EFCAB5: variants seen among roughly 807,000 people sequenced by gnomAD.
EFCAB5 encodes the protein EF-hand calcium binding domain 5.
In EFCAB5, 131 loss-of-function variants were observed where a neutral mutation model predicts 167.9. The observed-to-expected ratio is 0.78, with a 90% CI of 0.68 to 0.90. The LOEUF is 0.90. EFCAB5 is among the 40% of genes least tolerant of loss of function. EFCAB5 has a pLI of 0.00. For missense variants in EFCAB5, 1,663 were observed against 1,745.2 expected (o/e 0.95, Z 0.84); for synonymous variants, 574 against 602.8 (o/e 0.95, Z 0.70).
At chr17:30,098,165 C>T (rs2071330362) in intron 22 of EFCAB5, among the ~76,000 whole-genome samples, 1 of 151,870 alleles carries the variant, frequency 6.6e-6, no homozygotes, top group South Asian at 2.1e-4. Flanking sequence ...GAACTCCTGA[C>T]CTCAAGGGAT....
In EFCAB5 at chr17:29,942,287, G is replaced by T; in HGVS notation, c.90G>T (p.Val30=). 1 of 1,590,292 alleles carries T rather than the reference G, an allele frequency of 6.3e-7. No individual in the cohort carries two copies. The highest frequency in any genetic ancestry group is 1.2e-5 in the South Asian group (1 of 86,612). ...DKERKWNLTE[V]KELHETLQSV... ...AGAGGAAATGGAACTTAACTGAAGT[G>T]AAAGAGCTTCATGAGGTAGAGTTGG... The change falls in exon 2 of 23, where the codon GTG becomes GTT. Residue 30 remains valine (V), a synonymous_variant. Coordinates refer to ENST00000394835, the MANE Select transcript of EFCAB5 (RefSeq NM_198529.4).
In EFCAB5 at chr17:30,054,132, A is replaced by G. The variant is rs964050891; in HGVS notation, c.2178A>G (p.Arg726=). The change falls in exon 10 of 23, where the codon AGA becomes AGG. Residue 726 remains arginine, a synonymous_variant. Coordinates refer to ENST00000394835, the MANE Select transcript of EFCAB5 (RefSeq NM_198529.4). ...AAGAGGAAGTTCCAACCTTAAGCAG[A>G]AAAGATCACTTTCCAGGTAGTAATG... The part of the protein sequence containing the change: ...ELQEEVPTLS[R]KDHFPETTKK... 8.4e-6 allele frequency: 13 copies of G among 1,552,136 alleles called. No individual in the cohort carries two copies. In the Admixed American group the frequency reaches 2.7e-4, roughly 33 times the overall value.
chr17:30,024,271 A>G (rs921529923), intron 7 of EFCAB5, among the ~76,000 whole-genome samples: 1 of 152,142 alleles, frequency 6.6e-6, no homozygotes, highest in African/African-American at 2.4e-5. Context: ...ATGATTGTAT[A>G]TCTAGAAAAC....
intron 3 of EFCAB5, among the ~76,000 whole-genome samples, chr17:29,944,325 C>T (rs1037256646): frequency 2.0e-5 from 3 of 152,122 alleles, no homozygotes; most frequent in African/African-American, 7.2e-5. Context: ...AGGCGATCCT[C>T]CTGTCTCAGC....
chr17:30,024,218 A>G (rs1305832832), intron 7 of EFCAB5, among the ~76,000 whole-genome samples: 2 of 151,448 alleles, frequency 1.3e-5, no homozygotes, highest in Non-Finnish European at 1.5e-5. Flanking sequence ...AGGGTATTCA[A>G]TTAGGAAAAG....
chr17:29,993,618 G>A (rs571505628), intron 5 of EFCAB5, among the ~76,000 whole-genome samples: 7 of 152,204 alleles, frequency 4.6e-5, no homozygotes, highest in Non-Finnish European at 5.9e-5. Flanking sequence ...GTGTTTGTAT[G>A]TGTGACTACT....
chr17:29,968,911 C>T lies in EFCAB5; in HGVS notation c.311C>T (p.Thr104Ile). Residue 104 changes from threonine to isoleucine, a missense_variant, in exon 4 of 23, where the codon ACT (threonine) becomes ATT (isoleucine). Coordinates refer to ENST00000394835, the MANE Select transcript of EFCAB5 (RefSeq NM_198529.4). ...AAAGTGATTTTTGCTTTAGATGAAA[C>T]TGAACTGAAATCAAAGCCAGAGCAC... ...SAKVIFALDETELKSKPEHTW... is the reference protein window; with the variant it reads ...SAKVIFALDEIELKSKPEHTW... 6.3e-7 allele frequency: 1 copy of T among 1,576,982 alleles called. No homozygotes were observed. Among genetic ancestry groups the T allele is most frequent in the South Asian group, 1.2e-5 (1 of 85,794 alleles).
intron 4 of EFCAB5, among the ~76,000 whole-genome samples, chr17:29,988,225 G>A (rs1022016594): frequency 1.3e-5 from 2 of 152,310 alleles, no homozygotes; most frequent in South Asian, 2.1e-4. Flanking sequence ...GAGCCCTAAT[G>A]TGAGTGATGT....
chr17:29,941,669 G>T lies in EFCAB5; in HGVS notation c.-128G>T. Reference sequence around the variant, plus strand: ...AGAATTGTGGGGTGAGGTGAGGGCAGGAGTGAGGGAGCTTTTTTAACTTCT... The same window carrying T: ...AGAATTGTGGGGTGAGGTGAGGGCATGAGTGAGGGAGCTTTTTTAACTTCT... On this transcript the variant is annotated 5_prime_UTR_variant, in exon 1 of 23. In the 5' UTR this introduces an upstream ATG that the reference lacks. Coordinates refer to ENST00000394835, the MANE Select transcript of EFCAB5 (RefSeq NM_198529.4). 1 of 719,856 alleles carries T rather than the reference G, an allele frequency of 1.4e-6. No individual in the cohort carries two copies. The highest frequency in any genetic ancestry group is 2.3e-6 in the Non-Finnish European group (1 of 436,346). 44.6% of individuals were successfully genotyped at this position (719,856 alleles called of 1,614,324 possible). A position where few individuals can be genotyped will look rare whatever the true frequency, so the allele number is the denominator to read the frequency against.
chr17:30,092,747 C>A, intron 21 of EFCAB5, 93 bp from the exon 22 acceptor site: 1 of 815,984 alleles, frequency 1.2e-6, no homozygotes, highest in Non-Finnish European at 1.9e-6. Context: ...ATTTTAAAAT[C>A]TATATAAATG....
chr17:29,952,128 A>AAAATGTTCAAGGAC lies in EFCAB5; in HGVS notation c.190+8480_190+8481insAATGTTCAAGGACA, dbSNP rs2067525530. On this transcript the variant is annotated intron_variant, in intron 3 of 22. Transcript: ENST00000394835. ...TCTCTGCTTCCTAGATGGCACCTTG[A>AAAATGTTCAAGGAC]ACATTGTGTCCTCCAGAGGAGATGA... 5.3e-5 allele frequency among the ~76,000 whole-genome samples: 8 copies of AAAATGTTCAAGGAC among 152,290 alleles called. No homozygotes were observed. In the South Asian group the frequency reaches 1.7e-3, roughly 32 times the overall value.
intron 17 of EFCAB5, 88 bp from the exon 18 acceptor site, chr17:30,082,803 T>G (rs1280560634): frequency 1.1e-5 from 15 of 1,313,068 alleles, no homozygotes; most frequent in Middle Eastern, 2.8e-4. Flanking sequence ...AGTAATTAAA[T>G]TACTGGTAAA....
At chr17:29,940,818 T>C (rs2067288127), upstream of EFCAB5, among the ~76,000 whole-genome samples, 1 of 152,000 alleles carries the variant, frequency 6.6e-6, no homozygotes, top group Non-Finnish European at 1.5e-5. Flanking sequence ...GGAGGGTGGA[T>C]CACTTGAGGT....
In EFCAB5 at chr17:30,057,886, A is replaced by G; in HGVS notation, c.2576A>G (p.Glu859Gly). The change falls in exon 13 of 23, where the codon GAA becomes GGA. Residue 859 changes from glutamate to glycine, a missense_variant. Glu to Gly is a moderately conservative substitution (Grantham distance 98, BLOSUM62 -2). Coordinates refer to ENST00000394835, the MANE Select transcript of EFCAB5 (RefSeq NM_198529.4). ...ETEQEKMNAL[E>G]QFSQNAFQVR... ...GAACAAGAGAAAATGAATGCCTTAG[A>G]ACAGGTGGGTAATATTATTTATTAA... 2 of 1,611,584 alleles carry G rather than the reference A, an allele frequency of 1.2e-6. No homozygotes were observed. Among genetic ancestry groups the G allele is most frequent in the Non-Finnish European group, 1.7e-6 (2 of 1,178,588 alleles).
intron 22 of EFCAB5, among the ~76,000 whole-genome samples, chr17:30,096,632 A>G (rs1030912450): frequency 2.1e-5 from 3 of 145,064 alleles, no homozygotes; most frequent in Non-Finnish European, 4.5e-5. Context: ...GGCTGTTAAA[A>G]CTGTCTTTTA....
chr17:29,973,880 C>T (rs1020689408), intron 4 of EFCAB5, among the ~76,000 whole-genome samples: 7 of 151,478 alleles, frequency 4.6e-5, no homozygotes, highest in Non-Finnish European at 1.0e-4. Flanking sequence ...CAAAATGGCC[C>T]AGCGCGGTGG....
chr17:29,964,571 G>C (rs1251687668), intron 3 of EFCAB5, among the ~76,000 whole-genome samples: 7 of 152,138 alleles, frequency 4.6e-5, no homozygotes, highest in Non-Finnish European at 1.0e-4. Flanking sequence ...GGGATTACAG[G>C]TGTGAGCCAC....
chr17:29,936,226 TGTTCTCACTCATAG>T (rs2067244437), intron 1 of EFCAB5, among the ~76,000 whole-genome samples: 1 of 152,072 alleles, frequency 6.6e-6, no homozygotes, highest in South Asian at 2.1e-4. Flanking sequence ...AAACACCTCA[TGTTCTCACTCATAG>T]GTGGGAATTG....
At chr17:30,082,835 C>A in intron 17 of EFCAB5, 56 bp from the exon 18 acceptor site, 1 of 1,471,914 alleles carries the variant, frequency 6.8e-7, no homozygotes, top group Non-Finnish European at 9.2e-7. Context: ...TACTATATTA[C>A]TAATTATTTT....
Sources: allele counts gnomAD v4.1 joint callset (sites outside exome capture counted in the v4.1 genomes callset), GRCh38; gene constraint gnomAD v4.1.1; transcripts MANE v1.5; gene names NCBI Gene and HGNC (gene_info 2026-07-23, HGNC 2026-07-21).